SLC24A2: variants seen among roughly 807,000 people sequenced by gnomAD.
SLC24A2 encodes the protein solute carrier family 24 member 2, also known as sodium/potassium/calcium exchanger 2.
SLC24A2 carries 36 observed loss-of-function variants against 62.0 expected under a neutral mutation model. The ratio of observed to expected loss-of-function variants is 0.58; its 90% CI spans 0.44 to 0.77. SLC24A2 has a LOEUF of 0.77. Ranked by LOEUF, SLC24A2 falls within the 30% of genes least tolerant of loss-of-function variation. SLC24A2 has a pLI of 0.00. For synonymous variants in SLC24A2, 358 were observed against 294.0 expected (o/e 1.22, Z -2.23); for missense variants, 846 against 817.9 (o/e 1.03, Z -0.42).
upstream of SLC24A2, among the ~76,000 whole-genome samples, chr9:19,790,752 C>T (rs571502728): frequency 6.6e-6 from 1 of 152,198 alleles, no homozygotes; most frequent in Non-Finnish European, 1.5e-5. Flanking sequence ...ACCAATTAGG[C>T]TTTATTTTTA....
chr9:19,998,283 C>G, the SLC24A2 span, among the ~76,000 whole-genome samples: 1 of 152,026 alleles, frequency 6.6e-6, no homozygotes, highest in African/African-American at 2.4e-5. Flanking sequence ...CCATTCAGAC[C>G]CATTCAGGGG....
Position 19,514,281 on chromosome 9 carries a change from G to C in SLC24A2, c.*1872C>G, listed in dbSNP as rs1472338709. The C allele has an allele frequency of 6.6e-6, 1 of 152,138 alleles. No homozygotes were observed. The highest frequency in any genetic ancestry group is 1.5e-5 in the Non-Finnish European group (1 of 68,032). The allele number at this position is 152,138 out of a possible 1,614,324, so 9.4% of individuals were successfully genotyped here. On this transcript the variant is annotated 3_prime_UTR_variant, in exon 11 of 11. Transcript: ENST00000341998. ...TCTGCATCCTGTCCTCTTATGTTAA[G>C]AGGTATGTGCTCACAACAAAATCAT...
intron 4 of SLC24A2, among the ~76,000 whole-genome samples, chr9:19,614,607 C>T (rs2117849661): frequency 6.6e-6 from 1 of 152,302 alleles, no homozygotes. Flanking sequence ...TAGTGACTGC[C>T]TGACTGATTG....
chr9:19,768,259 C>T (rs1038178645), intron 2 of SLC24A2, among the ~76,000 whole-genome samples: 1 of 152,148 alleles, frequency 6.6e-6, no homozygotes, highest in Non-Finnish European at 1.5e-5. Context: ...TGTTCATCCT[C>T]CCTTACAAAT....
the SLC24A2 span, among the ~76,000 whole-genome samples, chr9:19,908,086 A>G: frequency 6.6e-6 from 1 of 152,332 alleles, no homozygotes; most frequent in East Asian, 1.9e-4. Flanking sequence ...TTCAAACTAT[A>G]CTACAAGGCT....
chr9:19,585,899 A>G (rs528243839), intron 5 of SLC24A2, among the ~76,000 whole-genome samples: 3 of 152,334 alleles, frequency 2.0e-5, no homozygotes, highest in African/African-American at 4.8e-5. Context: ...TAAAGGATGG[A>G]TCAGCCCAAA....
chr9:19,678,660 G>C (rs565046209), intron 2 of SLC24A2, among the ~76,000 whole-genome samples: 11 of 152,150 alleles, frequency 7.2e-5, no homozygotes, highest in Admixed American at 2.6e-4. Context: ...CAGAGCCTTT[G>C]CCTTTTCAAC....
chr9:19,768,915 G>A (rs1054219823), intron 2 of SLC24A2, among the ~76,000 whole-genome samples: 5 of 152,036 alleles, frequency 3.3e-5, no homozygotes, highest in Non-Finnish European at 5.9e-5. Flanking sequence ...TGAATCCCAG[G>A]ACTTAGGCCT....
intron 2 of SLC24A2, among the ~76,000 whole-genome samples, chr9:19,721,920 A>T (rs1438599200): frequency 6.6e-6 from 1 of 152,166 alleles, no homozygotes; most frequent in Admixed American, 6.5e-5. Context: ...TTTTTCAGAT[A>T]AATAGACCTC....
At chr9:19,788,662 C>A in intron 1 of SLC24A2, 1 of 985,228 alleles carries the variant, frequency 1.0e-6, no homozygotes, top group Non-Finnish European at 1.2e-6. Context: ...GCCCCACGCC[C>A]CCCATCCCAA....
chr9:19,890,270 A>T, the SLC24A2 span, among the ~76,000 whole-genome samples: 1 of 152,238 alleles, frequency 6.6e-6, no homozygotes, highest in East Asian at 1.9e-4. Context: ...TGCTTATGCC[A>T]TATTCTATTA....
At chr9:20,077,814 C>G in the SLC24A2 span, among the ~76,000 whole-genome samples, 2 of 152,068 alleles carry the variant, frequency 1.3e-5, no homozygotes, top group Non-Finnish European at 1.5e-5. Flanking sequence ...TTTTTGATTG[C>G]TTATTTCTTC....
chr9:19,843,958 C>T, the SLC24A2 span, among the ~76,000 whole-genome samples: 1 of 152,160 alleles, frequency 6.6e-6, no homozygotes, highest in Non-Finnish European at 1.5e-5. Context: ...CATGTCTTTG[C>T]TATTGTGACT....
At chr9:19,708,903 A>C (rs1820621712) in intron 2 of SLC24A2, among the ~76,000 whole-genome samples, 1 of 152,192 alleles carries the variant, frequency 6.6e-6, no homozygotes, top group Non-Finnish European at 1.5e-5. Context: ...AAAATTGACA[A>C]ATGGGATCTA....
chr9:20,107,375 C>T, the SLC24A2 span, among the ~76,000 whole-genome samples: 1 of 151,286 alleles, frequency 6.6e-6, no homozygotes, highest in Non-Finnish European at 1.5e-5. Flanking sequence ...AAAAAAGAGC[C>T]CACATTGCCA....
the SLC24A2 span, among the ~76,000 whole-genome samples, chr9:20,004,757 A>G: frequency 5.9e-5 from 9 of 152,250 alleles, no homozygotes; most frequent in Non-Finnish European, 1.3e-4. Context: ...ATAACAAAAC[A>G]AAGTAGGCAC....
At chr9:20,243,371 A>G in the SLC24A2 span, among the ~76,000 whole-genome samples, 2 of 152,342 alleles carry the variant, frequency 1.3e-5, no homozygotes, top group Admixed American at 1.3e-4. Context: ...TTGTGATTCT[A>G]TTTATGAAAT....
intron 2 of SLC24A2, among the ~76,000 whole-genome samples, chr9:19,727,579 C>G (rs1238704607): frequency 6.6e-6 from 1 of 152,180 alleles, no homozygotes; most frequent in Non-Finnish European, 1.5e-5. Flanking sequence ...CAATGACTAG[C>G]ATGTGGCAGA....
rs1201914279 is a variant in SLC24A2 at position 19,509,079 on chromosome 9, T to C, written c.*7074A>G. The stretch of plus-strand genomic sequence containing the variant: ...ACTTCTTAGACCCATCCTATATTTA[T>C]ATAAAAGCTCAAACACATCCTACAT... On this transcript the variant is annotated 3_prime_UTR_variant, in exon 11 of 11. Transcript: ENST00000341998. The C allele has an allele frequency of 6.6e-6, 1 of 152,202 alleles. No homozygotes were observed. 9.4% of individuals were successfully genotyped at this position (152,202 alleles called of 1,614,324 possible).
Sources: allele counts gnomAD v4.1 joint callset (sites outside exome capture counted in the v4.1 genomes callset), GRCh38; gene constraint gnomAD v4.1.1; transcripts MANE v1.5; gene names NCBI Gene and HGNC (gene_info 2026-07-23, HGNC 2026-07-21).